SNX7: variants seen among roughly 807,000 people sequenced by gnomAD.
The protein encoded by SNX7 is sorting nexin 7.
A neutral mutation model predicts 48.4 loss-of-function variants in SNX7; 35 were observed. That is an observed-to-expected ratio of 0.72 (90% CI 0.55 to 0.96). SNX7 has a LOEUF of 0.96. SNX7 is among the 40% of genes least tolerant of loss of function. The pLI is 0.00. For synonymous variants in SNX7, 190 were observed against 190.2 expected (o/e 1.00, Z 0.01); for missense variants, 553 against 548.9 (o/e 1.01, Z -0.07).
At position 98,661,805 on chromosome 1, in the gene SNX7, C is replaced by CG. The variant is rs1296656242; in HGVS notation, c.80dup (p.Gly28ArgfsTer61). 4 of 1,244,648 alleles carry CG rather than the reference C, an allele frequency of 3.2e-6. No individual in the cohort carries two copies. Among genetic ancestry groups the CG allele is most frequent in the Non-Finnish European group, 3.0e-6 (3 of 986,954 alleles). 77.1% of individuals were successfully genotyped at this position (1,244,648 alleles called of 1,614,324 possible). A position where few individuals can be genotyped will look rare whatever the true frequency, so the allele number is the denominator to read the frequency against. On this transcript the variant is annotated frameshift_variant, in exon 1 of 9. Transcript: ENST00000306121. LOFTEE classifies it high-confidence loss of function. ...GCCGGGGGCGCCAACGGGGAGAGCCCGGGGGGCGGCGCCCCCTTTCCGGGC... is the reference window on the plus strand; with the variant it reads ...GCCGGGGGCGCCAACGGGGAGAGCCCGGGGGGGCGGCGCCCCCTTTCCGGGC...
At chr1:98,681,615 C>T (rs1407258623) in intron 1 of SNX7, among the ~76,000 whole-genome samples, 1 of 152,036 alleles carries the variant, frequency 6.6e-6, no homozygotes. Flanking sequence ...AAAGTAGCTT[C>T]GAATAGGTCT....
chr1:98,675,641 C>T (rs567660306), intron 1 of SNX7, among the ~76,000 whole-genome samples: 4 of 152,128 alleles, frequency 2.6e-5, no homozygotes, highest in East Asian at 1.9e-4. Flanking sequence ...CACGTTTGTA[C>T]GTAATGTCAG....
intron 4 of SNX7, among the ~76,000 whole-genome samples, chr1:98,692,065 C>T (rs1232045608): frequency 6.6e-6 from 1 of 151,880 alleles, no homozygotes; most frequent in African/African-American, 2.4e-5. Flanking sequence ...CCTTGAACAA[C>T]ATGGCGGTTA....
chr1:98,691,842 A>T (rs570827400), intron 4 of SNX7, 143 bp downstream of exon 4: 1 of 595,284 alleles, frequency 1.7e-6, no homozygotes, highest in Non-Finnish European at 2.7e-6. Context: ...CTGGAGAGTT[A>T]TCCTTCAGAT....
intron 7 of SNX7, among the ~76,000 whole-genome samples, chr1:98,704,137 A>T (rs894561937): frequency 1.8e-4 from 28 of 151,892 alleles, no homozygotes; most frequent in African/African-American, 4.1e-4. Flanking sequence ...CTGTATAAAA[A>T]TTTTTTTGAT....
At chr1:98,754,183 T>A (rs188023099) in intron 8 of SNX7, among the ~76,000 whole-genome samples, 1 of 152,246 alleles carries the variant, frequency 6.6e-6, no homozygotes, top group East Asian at 1.9e-4. Flanking sequence ...TACTTGAATG[T>A]TAATCCAGTC....
At chr1:98,731,414 G>A (rs1314724962) in intron 7 of SNX7, among the ~76,000 whole-genome samples, 1 of 152,046 alleles carries the variant, frequency 6.6e-6, no homozygotes, top group African/African-American at 2.4e-5. Context: ...TTTTCTTGGT[G>A]AGCATGAGCT....
chr1:98,666,011 G>A (rs952702255), intron 1 of SNX7, among the ~76,000 whole-genome samples: 30 of 151,938 alleles, frequency 2.0e-4, no homozygotes, highest in African/African-American at 6.3e-4. Flanking sequence ...GTGATGGAGC[G>A]GCATAATTAT....
intron 8 of SNX7, among the ~76,000 whole-genome samples, chr1:98,754,380 A>G (rs909431878): frequency 7.2e-5 from 11 of 152,006 alleles, no homozygotes; most frequent in African/African-American, 1.9e-4. Context: ...CATGTCTTCA[A>G]TTTTCTGGAA....
chr1:98,704,420 A>G (rs565319383), intron 7 of SNX7, among the ~76,000 whole-genome samples: 4 of 152,320 alleles, frequency 2.6e-5, no homozygotes, highest in African/African-American at 9.6e-5. Flanking sequence ...TGATTTGTGA[A>G]TGGAACTGTT....
At chr1:98,669,701 G>A (rs934578159) in intron 1 of SNX7, among the ~76,000 whole-genome samples, 1 of 152,182 alleles carries the variant, frequency 6.6e-6, no homozygotes, top group Non-Finnish European at 1.5e-5. Context: ...AACTTACTGT[G>A]TATTTTTCTA....
intron 1 of SNX7, among the ~76,000 whole-genome samples, chr1:98,682,445 C>T (rs1650554093): frequency 6.6e-6 from 1 of 152,070 alleles, no homozygotes; most frequent in Admixed American, 6.5e-5. Flanking sequence ...AGTAAAGAAG[C>T]TTCCAAAGAA....
chr1:98,670,934 A>G (rs12093740), intron 1 of SNX7, among the ~76,000 whole-genome samples: 2,243 of 152,156 alleles, frequency 0.015, 48 homozygotes, highest in African/African-American at 0.051. Context: ...AGTTATTACA[A>G]ATATTTTGAG....
At chr1:98,738,123 C>CA (rs1653883453) in intron 7 of SNX7, 114 bp from the exon 8 acceptor site, 13 of 1,119,330 alleles carry the variant, frequency 1.2e-5, no homozygotes, top group African/African-American at 1.6e-5. Flanking sequence ...TGATTAAAAA[C>CA]AAAAAAGAGT....
chr1:98,678,976 G>A (rs1650326565), intron 1 of SNX7, among the ~76,000 whole-genome samples: 3 of 152,154 alleles, frequency 2.0e-5, no homozygotes, highest in Admixed American at 6.5e-5. Flanking sequence ...AACTGGGCTG[G>A]CACAGTGGCT....
At chr1:98,698,572 T>C (rs1280276176) in intron 5 of SNX7, 134 bp from the exon 6 acceptor site, 12 of 773,502 alleles carry the variant, frequency 1.6e-5, no homozygotes, top group East Asian at 2.7e-5. Context: ...AAGGATGATA[T>C]CCGTTTTCTT....
chr1:98,698,658 A>G, intron 5 of SNX7, 48 bp from the exon 6 acceptor site: 1 of 1,538,012 alleles, frequency 6.5e-7, no homozygotes. Flanking sequence ...AGGTATTTTG[A>G]AAACTTTTGT....
chr1:98,756,030 T>C (rs1654830291), intron 8 of SNX7, among the ~76,000 whole-genome samples: 2 of 73,060 alleles, frequency 2.7e-5, no homozygotes, highest in African/African-American at 7.0e-5. Context: ...TAGACAATTT[T>C]ACATGATTTC....
chr1:98,723,951 T>C (rs1204815054), intron 7 of SNX7, among the ~76,000 whole-genome samples: 1 of 111,884 alleles, frequency 8.9e-6, no homozygotes, highest in Non-Finnish European at 2.1e-5. Flanking sequence ...TTCTTTTTCA[T>C]TGTTAGCTGG....
Sources: allele counts gnomAD v4.1 joint callset (sites outside exome capture counted in the v4.1 genomes callset), GRCh38; gene constraint gnomAD v4.1.1; transcripts MANE v1.5; gene names NCBI Gene and HGNC (gene_info 2026-07-23, HGNC 2026-07-21).